SREBF2: variants seen among roughly 807,000 people sequenced by gnomAD.
The protein encoded by SREBF2 is sterol regulatory element-binding protein 2.
In SREBF2, 55 loss-of-function variants were observed where a neutral mutation model predicts 113.1. The ratio of observed to expected loss-of-function variants is 0.49; its 90% confidence interval spans 0.39 to 0.61. The LOEUF (loss-of-function observed/expected upper bound fraction) is 0.61. Among genes scored for constraint, SREBF2 ranks in the 20% least tolerant of loss-of-function variants. The pLI is 0.00. For missense variants in SREBF2, 1,349 were observed against 1,487.4 expected, an observed-to-expected ratio of 0.91 and a Z score of 1.53; for synonymous variants, 593 against 605.7, an observed-to-expected ratio of 0.98 and a Z score of 0.31.
chr22:41,852,278 A>G (rs73430926), intron 1 of SREBF2, among the ~76,000 whole-genome samples: 8,588 of 152,158 alleles, frequency 0.056, 630 homozygotes, highest in African/African-American at 0.17. Context: ...GTGTATTGAT[A>G]TATATCCATC....
chr22:41,889,697 C>G (rs2148406959), intron 11 of SREBF2, among the ~76,000 whole-genome samples: 1 of 56,802 alleles, frequency 1.8e-5, no homozygotes, highest in South Asian at 6.5e-4. Flanking sequence ...GACCATGTCT[C>G]TATTAAAAAA....
intron 1 of SREBF2, among the ~76,000 whole-genome samples, chr22:41,846,779 C>T (rs1394706131): frequency 2.0e-5 from 3 of 152,148 alleles, no homozygotes; most frequent in African/African-American, 4.8e-5. Flanking sequence ...CCGTTAAGCT[C>T]GGTTTTCACT....
chr22:41,868,729 G>A lies in SREBF2; in HGVS notation c.657G>A (p.Thr219=), dbSNP rs757592583. 18 of 1,614,080 alleles carry A rather than the reference G, an allele frequency of 1.1e-5. No individual in the cohort carries two copies. Among genetic ancestry groups the A allele is most frequent in the East Asian group, 2.2e-5 (1 of 44,894 alleles). Residue 219 remains threonine, a synonymous_variant, in exon 3 of 19, where the codon ACG becomes ACA. Coordinates refer to ENST00000361204, the MANE Select transcript of SREBF2 (RefSeq NM_004599.4). ...TGCTGACACAAACGGCCAATGGCAC[G>A]CTGCAGACCCTTGCCCCGGCTACGG... ...QRVLTQTANG[T]LQTLAPATVQ... is the part of the protein sequence containing the mutation.
chr22:41,874,506 T>G (rs1463217665), intron 5 of SREBF2, among the ~76,000 whole-genome samples: 1 of 152,254 alleles, frequency 6.6e-6, no homozygotes, highest in East Asian at 1.9e-4. Context: ...GTAGGAGATT[T>G]TATTTTTAAA....
chr22:41,868,020 T>G (rs558630502), intron 2 of SREBF2, among the ~76,000 whole-genome samples: 1 of 152,302 alleles, frequency 6.6e-6, no homozygotes, highest in South Asian at 2.1e-4. Context: ...GTAGCAAGCC[T>G]CATGCTGGGC....
At chr22:41,899,942 A>G (rs1002940054) in intron 15 of SREBF2, 3 of 1,159,924 alleles carry the variant, frequency 2.6e-6, no homozygotes, top group African/African-American at 3.2e-5. Flanking sequence ...AAGTATCTCC[A>G]GAGAGTTTAA....
At chr22:41,884,528 G>C (rs1030913371) in intron 10 of SREBF2, among the ~76,000 whole-genome samples, 3 of 152,206 alleles carry the variant, frequency 2.0e-5, no homozygotes, top group Non-Finnish European at 4.4e-5. Flanking sequence ...GAAACACACA[G>C]TGTGGCTGTG....
chr22:41,844,592 GA>G (rs34902938), intron 1 of SREBF2, among the ~76,000 whole-genome samples: 5 of 152,168 alleles, frequency 3.3e-5, no homozygotes, highest in Non-Finnish European at 7.3e-5. Flanking sequence ...TTGCAAACTA[GA>G]AAATTTCTGC....
intron 9 of SREBF2, chr22:41,878,774 G>A (rs1343885664): frequency 2.4e-5 from 31 of 1,295,268 alleles, no homozygotes; most frequent in East Asian, 2.2e-4. Flanking sequence ...CCATGGGCCT[G>A]CCCTCCCCAC....
chr22:41,897,687 A>C (rs1164757756), intron 14 of SREBF2, among the ~76,000 whole-genome samples: 1 of 152,192 alleles, frequency 6.6e-6, no homozygotes, highest in Non-Finnish European at 1.5e-5. Flanking sequence ...ATCAGCTGCC[A>C]ACTCTTGGGC....
chr22:41,866,703 G>A (rs2077079246), intron 1 of SREBF2, 128 bp from the exon 2 acceptor site: 1 of 1,100,810 alleles, frequency 9.1e-7, no homozygotes, highest in Non-Finnish European at 1.4e-6. Flanking sequence ...AAGAGGTAAG[G>A]GTTTCCTGAC....
intron 1 of SREBF2, among the ~76,000 whole-genome samples, chr22:41,846,249 G>T (rs962258905): frequency 1.3e-5 from 2 of 152,210 alleles, no homozygotes; most frequent in African/African-American, 2.4e-5. Flanking sequence ...GGTGGTTCTT[G>T]GAGTGACTAG....
At chr22:41,887,331 A>G (rs2077308911) in intron 11 of SREBF2, among the ~76,000 whole-genome samples, 2 of 152,242 alleles carry the variant, frequency 1.3e-5, no homozygotes, top group Admixed American at 1.3e-4. Flanking sequence ...GACAGATCAA[A>G]GTACAGAACC....
At chr22:41,843,857 A>T (rs1175623728) in intron 1 of SREBF2, among the ~76,000 whole-genome samples, 1 of 151,746 alleles carries the variant, frequency 6.6e-6, no homozygotes, top group Non-Finnish European at 1.5e-5. Context: ...AAAAAAAAAA[A>T]ATACAAAAAT....
At chr22:41,865,635 C>T (rs533668520) in intron 1 of SREBF2, among the ~76,000 whole-genome samples, 16 of 152,196 alleles carry the variant, frequency 1.1e-4, no homozygotes, top group African/African-American at 3.9e-4. Flanking sequence ...GAAAGGGAAG[C>T]GAGGTCTCCA....
rs762059283 is a variant in SREBF2, at chr22:41,905,711, C to T, written c.*51C>T. ...CCTCTCTCTCGATTTCTCTCTCTCC[C>T]CCTCAGCATCTTCCCGCTGAGAGTG... On this transcript the variant is annotated 3_prime_UTR_variant, in exon 19 of 19. Transcript: ENST00000361204. 5 of 1,518,520 alleles carry T rather than the reference C, an allele frequency of 3.3e-6. No homozygotes were observed. Among genetic ancestry groups the T allele is most frequent in the South Asian group, 1.2e-5 (1 of 83,296 alleles). 94.1% of individuals were successfully genotyped at this position (1,518,520 alleles called of 1,614,324 possible). A position where few individuals can be genotyped will look rare whatever the true frequency, so the allele number is the denominator to read the frequency against.
chr22:41,840,000 C>T (rs1440077475), intron 1 of SREBF2, among the ~76,000 whole-genome samples: 1 of 145,556 alleles, frequency 6.9e-6, no homozygotes, highest in Non-Finnish European at 1.5e-5. Flanking sequence ...CACTCTGTCG[C>T]CCAGGCTGAA....
chr22:41,886,497 A>G (rs772756457), intron 11 of SREBF2, among the ~76,000 whole-genome samples: 4 of 152,128 alleles, frequency 2.6e-5, no homozygotes, highest in Non-Finnish European at 4.4e-5. Flanking sequence ...CATTTTATCA[A>G]AATACAACAT....
intron 5 of SREBF2, 29 bp downstream of exon 5, chr22:41,874,048 G>C (rs2077170374): frequency 6.2e-7 from 1 of 1,612,614 alleles, no homozygotes; most frequent in Non-Finnish European, 8.5e-7. Flanking sequence ...TGTGTTTTAT[G>C]TTCCACCATC....
Sources: allele counts gnomAD v4.1 joint callset (sites outside exome capture counted in the v4.1 genomes callset), GRCh38; gene constraint gnomAD v4.1.1; transcripts MANE v1.5; gene names NCBI Gene and HGNC (gene_info 2026-07-23, HGNC 2026-07-21).